NRXN1: variants seen among roughly 807,000 people sequenced by gnomAD.
The protein encoded by NRXN1 is neurexin-1.
Under a neutral mutation model 150.9 loss-of-function variants are expected in NRXN1, and 39 were observed. That is an observed-to-expected ratio of 0.26 (90% CI 0.20 to 0.34). NRXN1 has a LOEUF of 0.34. Ranked by LOEUF, NRXN1 falls within the 10% of genes least tolerant of loss-of-function variation. The pLI, the probability that NRXN1 is intolerant of heterozygous loss-of-function variation, is 1.00. For synonymous variants in NRXN1, 924 were observed against 757.0 expected, an observed-to-expected ratio of 1.22 and a Z score of -3.62; for missense variants, 1,815 against 1,949.9, an observed-to-expected ratio of 0.93 and a Z score of 1.30.
intron 5 of NRXN1, among the ~76,000 whole-genome samples, chr2:50,836,002 G>A (rs1306603818): frequency 6.6e-6 from 1 of 152,128 alleles, no homozygotes; most frequent in African/African-American, 2.4e-5. Context: ...TCTAAACTGT[G>A]GTGCTTGCAA....
At chr2:50,998,323 C>A (rs1176506173) in intron 2 of NRXN1, among the ~76,000 whole-genome samples, 4 of 108,822 alleles carry the variant, frequency 3.7e-5, no homozygotes, top group Non-Finnish European at 7.0e-5. Context: ...TTAAGACCTC[C>A]TGTACTAAGT....
intron 21 of NRXN1, among the ~76,000 whole-genome samples, chr2:50,012,643 C>A (rs1685900616): frequency 6.6e-6 from 1 of 152,056 alleles, no homozygotes; most frequent in Admixed American, 6.6e-5. Context: ...TGGCTCTTGC[C>A]ATAACAGTAT....
intron 5 of NRXN1, among the ~76,000 whole-genome samples, chr2:50,725,299 G>T (rs1252727301): frequency 1.3e-5 from 2 of 151,196 alleles, no homozygotes; most frequent in African/African-American, 4.9e-5. Context: ...AAATATGTTT[G>T]GGCTCATGTT....
intron 21 of NRXN1, among the ~76,000 whole-genome samples, chr2:49,952,517 T>G (rs933752946): frequency 1.3e-5 from 2 of 150,956 alleles, no homozygotes; most frequent in African/African-American, 2.5e-5. Context: ...CAGAGAGTTC[T>G]TTATTTACTT....
chr2:50,996,332 T>G (rs1699275506), intron 2 of NRXN1, among the ~76,000 whole-genome samples: 2 of 152,220 alleles, frequency 1.3e-5, no homozygotes, highest in African/African-American at 2.4e-5. Context: ...ATAGCTCAGA[T>G]AGAAACTGGT....
intron 17 of NRXN1, among the ~76,000 whole-genome samples, chr2:50,297,399 T>C (rs1386815102): frequency 1.3e-5 from 2 of 152,184 alleles, no homozygotes; most frequent in Non-Finnish European, 2.9e-5. Flanking sequence ...TTCACAGAAC[T>C]ACCTTTAAAT....
At chr2:50,399,716 A>C (rs550175946) in intron 17 of NRXN1, among the ~76,000 whole-genome samples, 1 of 133,090 alleles carries the variant, frequency 7.5e-6, no homozygotes, top group Admixed American at 8.0e-5. Context: ...GGTGTTTTTG[A>C]AAAACCTTGT....
At chr2:50,080,405 T>A (rs1697778982) in intron 19 of NRXN1, among the ~76,000 whole-genome samples, 1 of 152,128 alleles carries the variant, frequency 6.6e-6, no homozygotes, top group African/African-American at 2.4e-5. Context: ...ATTTCTGGCA[T>A]CCAATGAGAG....
intron 12 of NRXN1, among the ~76,000 whole-genome samples, chr2:50,513,078 C>T (rs537066735): frequency 6.6e-6 from 1 of 152,256 alleles, no homozygotes; most frequent in Admixed American, 6.5e-5. Flanking sequence ...AGCTTTCCTT[C>T]CATCATCTAT....
chr2:50,148,044 G>C (rs879448127), intron 18 of NRXN1, among the ~76,000 whole-genome samples: 1 of 151,680 alleles, frequency 6.6e-6, no homozygotes, highest in Non-Finnish European at 1.5e-5. Flanking sequence ...GGAGAATGGT[G>C]CTTGCTGACT....
At chr2:50,812,613 T>A (rs1574561265) in intron 5 of NRXN1, among the ~76,000 whole-genome samples, 1 of 151,938 alleles carries the variant, frequency 6.6e-6, no homozygotes, top group Non-Finnish European at 1.5e-5. Context: ...GGTAGATAAA[T>A]AGATATTGTA....
chr2:50,234,535 T>C (rs1230348607), intron 18 of NRXN1, among the ~76,000 whole-genome samples: 1 of 152,034 alleles, frequency 6.6e-6, no homozygotes, highest in Non-Finnish European at 1.5e-5. Context: ...AGAAATGACT[T>C]ATCTCCACAT....
Position 51,013,015 on chromosome 2 carries a change from C to T in NRXN1, c.772+14487G>A, listed in dbSNP as rs184407823. 3.5e-3 allele frequency among the ~76,000 whole-genome samples: 537 copies of T among 152,080 alleles called. 2 individuals are homozygous for T. Among genetic ancestry groups the T allele is most frequent in the African/African-American group, 0.012 (503 of 41,518 alleles). On this transcript the variant is annotated intron_variant, in intron 2 of 22. Transcript: ENST00000401669. The stretch of plus-strand genomic sequence containing the variant: ...GAAGAACAATTACATAGGATATAAA[C>T]GGACTGAGATGTAAGAGACACCACT...
chr2:50,534,149 T>C (rs1299642825), intron 10 of NRXN1, among the ~76,000 whole-genome samples: 2 of 151,760 alleles, frequency 1.3e-5, no homozygotes, highest in African/African-American at 4.8e-5. Context: ...AGTGAGCTAA[T>C]TTCAATTTGA....
At chr2:50,713,323 A>T (rs1177905383) in intron 5 of NRXN1, among the ~76,000 whole-genome samples, 1 of 152,050 alleles carries the variant, frequency 6.6e-6, no homozygotes, top group Non-Finnish European at 1.5e-5. Context: ...CAAAAAAAAA[A>T]AAGAAAAAAA....
In NRXN1 at chr2:50,038,163, T is replaced by TA. The variant is rs1398679588; in HGVS notation, c.4128+15107dup. Among the ~76,000 whole-genome samples the TA allele has an allele frequency of 5.3e-5, 8 of 152,238 alleles. No homozygotes were observed. In the South Asian group the frequency reaches 6.2e-4, roughly 12 times the overall value. Reference sequence around the variant, plus strand: ...GAAGGAGATTAGCAGAAAATATACATAAAAAATCACATCAGTTGACATCCC... The same window carrying TA: ...GAAGGAGATTAGCAGAAAATATACATAAAAAAATCACATCAGTTGACATCCC... On this transcript the variant is annotated intron_variant, in intron 21 of 22. Coordinates refer to ENST00000401669, the MANE Select transcript of NRXN1 (RefSeq NM_001330078.2).
At chr2:50,417,591 C>A (rs939917809) in intron 17 of NRXN1, among the ~76,000 whole-genome samples, 1 of 151,742 alleles carries the variant, frequency 6.6e-6, no homozygotes, top group African/African-American at 2.4e-5. Context: ...AAATTCCAAG[C>A]TCCTACAGAG....
intron 8 of NRXN1, among the ~76,000 whole-genome samples, chr2:50,603,724 G>A (rs1236094864): frequency 6.6e-6 from 1 of 152,118 alleles, no homozygotes; most frequent in Non-Finnish European, 1.5e-5. Context: ...AAATATTATT[G>A]TAGAGAGGGA....
At chr2:50,029,263 A>C (rs1410360773) in intron 21 of NRXN1, among the ~76,000 whole-genome samples, 4 of 152,206 alleles carry the variant, frequency 2.6e-5, no homozygotes, top group Non-Finnish European at 2.9e-5. Flanking sequence ...TCTAGCCTCC[A>C]GCATTGTGAG....
Sources: gnomAD v4.1 joint callset for allele counts (sites outside exome capture counted in the v4.1 genomes callset) on GRCh38, gnomAD v4.1.1 for gene constraint, MANE v1.5 for transcripts, NCBI Gene and HGNC (gene_info 2026-07-23, HGNC 2026-07-21) for gene names.